Variants in ZNF493 observed in about 807,000 individuals in gnomAD.
ZNF493 encodes zinc finger protein 493.
Under a neutral mutation model 12.2 loss-of-function variants are expected in ZNF493, and 11 were observed. The observed-to-expected ratio is 0.90, with a 90% CI of 0.57 to 1.50. The LOEUF is 1.50. ZNF493 is among the 40% of genes most tolerant of loss of function. ZNF493 has a pLI of 0.00. For synonymous variants in ZNF493, 286 were observed against 302.6 expected, an observed-to-expected ratio of 0.95 and a Z score of 0.57; for missense variants, 950 against 906.6, an observed-to-expected ratio of 1.05 and a Z score of -0.61.
chr19:21,412,938 CACTAT>C, intron 3 of ZNF493: 1 of 431,804 alleles, frequency 2.3e-6, no homozygotes, highest in Non-Finnish European at 4.6e-6. Flanking sequence ...GTCGAGGTGC[CACTAT>C]ACTGCCATGG....
chr19:21,421,610 C>G (rs1170066774), intron 3 of ZNF493, among the ~76,000 whole-genome samples: 1 of 152,042 alleles, frequency 6.6e-6, no homozygotes, highest in African/African-American at 2.4e-5. Context: ...GGTGATCCAC[C>G]CACCTCAGCC....
At chr19:21,402,068 T>C (rs537345212) in intron 1 of ZNF493, among the ~76,000 whole-genome samples, 16 of 152,072 alleles carry the variant, frequency 1.1e-4, no homozygotes, top group East Asian at 3.9e-4. Flanking sequence ...CATGGGTTCA[T>C]GCCATTCTCC....
chr19:21,418,950 C>A (rs965721253), intron 3 of ZNF493, among the ~76,000 whole-genome samples: 1 of 152,134 alleles, frequency 6.6e-6, no homozygotes, highest in Non-Finnish European at 1.5e-5. Flanking sequence ...TACAGTGCTG[C>A]AGAGATTTTC....
intron 1 of ZNF493, 114 bp downstream of exon 1, chr19:21,397,381 C>A: frequency 7.8e-7 from 1 of 1,288,810 alleles, no homozygotes; most frequent in Non-Finnish European, 1.1e-6. Flanking sequence ...AATCTGCTCC[C>A]TGAGTTCTCC....
At chr19:21,410,060 G>GTATGTATATA (rs1555730611) in intron 3 of ZNF493, among the ~76,000 whole-genome samples, 2 of 43,966 alleles carry the variant, frequency 4.5e-5, no homozygotes, top group African/African-American at 1.3e-4. Flanking sequence ...TTCATTGTGT[G>GTATGTATATA]TATATATATA....
At chr19:21,407,645 C>G in intron 3 of ZNF493, 3 of 970,658 alleles carry the variant, frequency 3.1e-6, no homozygotes, top group Non-Finnish European at 3.7e-6. Flanking sequence ...GTGTGTAGAA[C>G]AATAACTTAC....
At chr19:21,421,554 AG>A (rs1286060204) in intron 3 of ZNF493, among the ~76,000 whole-genome samples, 10 of 151,956 alleles carry the variant, frequency 6.6e-5, no homozygotes, top group South Asian at 6.2e-4. Context: ...TAGTAGAGAC[AG>A]GGTTTCTCCA....
In ZNF493 at chr19:21,424,161, C is replaced by T. The variant is rs1399730923; in HGVS notation, c.1502C>T (p.Ser501Phe). ...CEECGKAFNQ[S>F]STLSIHKIIH... is the part of the protein sequence containing the mutation. ...GAATGTGGCAAAGCTTTTAACCAATCTTCAACCCTTAGTATACATAAAATA... is the reference window on the plus strand; with the variant it reads ...GAATGTGGCAAAGCTTTTAACCAATTTTCAACCCTTAGTATACATAAAATA... Residue 501 changes from serine (S) to phenylalanine (F), a missense_variant, in exon 4 of 4, where the codon TCT (serine) becomes TTT (phenylalanine). Physicochemically the swap from Ser to Phe is radical, Grantham distance 155. Coordinates refer to ENST00000392288, the MANE Select transcript of ZNF493 (RefSeq NM_001076678.3). 9 of 1,613,120 alleles carry T rather than the reference C, an allele frequency of 5.6e-6. No homozygotes were observed. Among genetic ancestry groups the T allele is most frequent in the Non-Finnish European group, 7.6e-6 (9 of 1,179,634 alleles).
chr19:21,421,360 A>T (rs916204467), intron 3 of ZNF493, among the ~76,000 whole-genome samples: 20 of 151,280 alleles, frequency 1.3e-4, no homozygotes, highest in African/African-American at 4.9e-4. Flanking sequence ...TTCTTCCTCA[A>T]ATTTTTATTT....
At position 21,424,178 on chromosome 19, in the gene ZNF493, C is replaced by T; in HGVS notation, c.1519C>T (p.His507Tyr). The change falls in exon 4 of 4, where the codon CAT becomes TAT. Residue 507 changes from histidine (H) to tyrosine (Y), a missense_variant. By Grantham distance (83) the His-to-Tyr change is moderately conservative. Transcript: ENST00000392288. ...TAACCAATCTTCAACCCTTAGTATA[C>T]ATAAAATAATTCATACTGGAGAAAA... is the stretch of plus-strand genomic sequence containing the variant. ...AFNQSSTLSI[H>Y]KIIHTGEKPY... The T allele has an allele frequency of 1.9e-6, 3 of 1,613,536 alleles. No homozygotes were observed. The highest frequency in any genetic ancestry group is 2.5e-6 in the Non-Finnish European group (3 of 1,179,774).
intron 3 of ZNF493, chr19:21,407,893 A>G (rs540187757): frequency 9.7e-5 from 96 of 985,296 alleles, no homozygotes; most frequent in Non-Finnish European, 1.2e-4. Context: ...AGAGTTTACT[A>G]TTGGTGTCTG....
chr19:21,420,393 T>C (rs1260738075), intron 3 of ZNF493, among the ~76,000 whole-genome samples: 1 of 151,470 alleles, frequency 6.6e-6, no homozygotes, highest in East Asian at 1.9e-4. Flanking sequence ...TGCATATCTT[T>C]CCCAGAAAAT....
At chr19:21,422,423 CTTT>C (rs989974950) in intron 3 of ZNF493, among the ~76,000 whole-genome samples, 5 of 129,494 alleles carry the variant, frequency 3.9e-5, no homozygotes, top group Admixed American at 3.3e-4. Context: ...CAAGTTACTT[CTTT>C]ATTTATTTAT....
intron 3 of ZNF493, chr19:21,412,776 A>G (rs188448612): frequency 7.5e-6 from 2 of 266,174 alleles, no homozygotes. Flanking sequence ...GATGCTTTAA[A>G]TATTTTAATT....
chr19:21,418,646 A>G (rs1216113666), intron 3 of ZNF493, among the ~76,000 whole-genome samples: 1 of 152,216 alleles, frequency 6.6e-6, no homozygotes, highest in African/African-American at 2.4e-5. Context: ...CAGCCTTCAG[A>G]GCTGAGATCC....
intron 1 of ZNF493, among the ~76,000 whole-genome samples, chr19:21,404,514 T>A (rs2030050291): frequency 6.6e-6 from 1 of 152,222 alleles, no homozygotes; most frequent in African/African-American, 2.4e-5. Context: ...CAGCTGCCTT[T>A]CTTTGTTAGG....
Position 21,426,686 on chromosome 19 carries a change from T to TACAGCTTAGAA in ZNF493, c.*1704_*1714dup, listed in dbSNP as rs2030863792. The TACAGCTTAGAA allele has an allele frequency of 6.0e-6, 1 of 166,810 alleles. No individual in the cohort carries two copies. The highest frequency in any genetic ancestry group is 1.5e-5 in the Non-Finnish European group (1 of 68,056). The allele number at this position is 166,810 out of a possible 1,614,324, so 10.3% of individuals were successfully genotyped here. On this transcript the variant is annotated 3_prime_UTR_variant, in exon 4 of 4. Coordinates refer to ENST00000392288, the MANE Select transcript of ZNF493 (RefSeq NM_001076678.3). ...TTTGGGAAAACAAATTTTCAAAAAC[T>TACAGCTTAGAA]ACAGCTTAGAAAACACCAGAGTTTA...
Position 21,400,047 on chromosome 19 carries a change from G to C in ZNF493, c.30+2780G>C, listed in dbSNP as rs546189858. Among the ~76,000 whole-genome samples, 4 of 152,174 alleles carry C rather than the reference G, an allele frequency of 2.6e-5. No homozygotes were observed. The South Asian group carries it at 8.3e-4, about 32-fold the overall frequency. On this transcript the variant is annotated intron_variant, in intron 1 of 3. Transcript: ENST00000392288. Reference sequence around the variant, plus strand: ...ATTGTTAACTGCATGATTTTTAGTGGAATTAATAGAATAAGACATTTATTT... The same window carrying C: ...ATTGTTAACTGCATGATTTTTAGTGCAATTAATAGAATAAGACATTTATTT...
In ZNF493 at chr19:21,413,283, A is replaced by G. The variant is rs575415527; in HGVS notation, c.253+7427A>G. On this transcript the variant is annotated intron_variant, in intron 3 of 3. Transcript: ENST00000392288. ...AATACTGAGATAAGAAAGCATGTGTAACTGTGTCATAGAGTGATTACATCC... is the reference window on the plus strand; with the variant it reads ...AATACTGAGATAAGAAAGCATGTGTGACTGTGTCATAGAGTGATTACATCC... 9.6e-6 allele frequency: 4 copies of G among 415,850 alleles called. No homozygotes were observed. The South Asian group carries it at 2.2e-4, about 23-fold the overall frequency. The allele number at this position is 415,850 out of a possible 1,614,324, so 25.8% of individuals were successfully genotyped here.
Sources: allele counts gnomAD v4.1 joint callset (sites outside exome capture counted in the v4.1 genomes callset), GRCh38; gene constraint gnomAD v4.1.1; transcripts MANE v1.5; gene names NCBI Gene and HGNC (gene_info 2026-07-23, HGNC 2026-07-21).